EDA: variants seen among roughly 807,000 people sequenced by gnomAD.
The protein encoded by EDA is ectodysplasin-A.
A neutral mutation model predicts 23.6 loss-of-function variants in EDA; 2 were observed. That is an observed-to-expected ratio of 0.08 (90% CI 0.03 to 0.27). EDA has a LOEUF of 0.27. Among genes scored for constraint, EDA ranks in the 10% least tolerant of loss-of-function variants. The pLI, the probability that EDA is intolerant of heterozygous loss-of-function variation, is 1.00. For missense variants in EDA, 229 were observed against 324.2 expected (o/e 0.71, Z 2.26); for synonymous variants, 131 against 132.0 (o/e 0.99, Z 0.05).
intron 1 of EDA, among the ~76,000 whole-genome samples, chrX:69,767,385 A>G (rs2147421824): frequency 9.1e-6 from 1 of 109,323 alleles, no homozygotes; most frequent in East Asian, 2.9e-4. Context: ...ACCTCCTCCT[A>G]TCCTAGGCAA....
intron 2 of EDA, among the ~76,000 whole-genome samples, chrX:69,978,318 T>TA (rs144187734): frequency 0.2 from 4,111 of 20,123 alleles, 1,359 homozygotes; most frequent in Non-Finnish European, 0.44. Context: ...ACTCCATCTC[T>TA]AAAAAAAAAA....
intron 1 of EDA, among the ~76,000 whole-genome samples, chrX:69,877,286 C>T (rs1297353157): frequency 5.4e-5 from 6 of 111,852 alleles, no homozygotes; most frequent in Non-Finnish European, 1.1e-4. Context: ...CCAGCCTAGG[C>T]GACAGAGACC....
intron 2 of EDA, among the ~76,000 whole-genome samples, chrX:69,969,449 G>A (rs183720975): frequency 3.6e-5 from 4 of 111,803 alleles, no homozygotes; most frequent in African/African-American, 1.3e-4. Flanking sequence ...AAAAATAAAT[G>A]TGTTGAAATG....
At chrX:69,817,009 G>A (rs5936759) in intron 1 of EDA, among the ~76,000 whole-genome samples, 25,657 of 110,508 alleles carry the variant, frequency 0.23, 2,306 homozygotes, top group African/African-American at 0.31. Context: ...TACTAACAGC[G>A]GACCTCTCAG....
chrX:69,772,920 C>T (rs1426016429), intron 1 of EDA, among the ~76,000 whole-genome samples: 2 of 111,676 alleles, frequency 1.8e-5, no homozygotes, highest in Non-Finnish European at 1.9e-5. Flanking sequence ...CCACTTTAGA[C>T]TGTACCATTC....
chrX:69,714,088 C>T (rs1382721897), intron 1 of EDA, among the ~76,000 whole-genome samples: 1 of 111,119 alleles, frequency 9.0e-6, no homozygotes, highest in Non-Finnish European at 1.9e-5. Flanking sequence ...GGCACTGTCA[C>T]TATTTTTAAT....
chrX:69,840,724 T>C (rs960539810), intron 1 of EDA, among the ~76,000 whole-genome samples: 1 of 112,077 alleles, frequency 8.9e-6, no homozygotes, highest in Admixed American at 9.5e-5. Flanking sequence ...TTTCTCATAG[T>C]TTTGGAGGCT....
chrX:69,870,740 T>C (rs755537091), intron 1 of EDA, among the ~76,000 whole-genome samples: 2 of 111,670 alleles, frequency 1.8e-5, no homozygotes, highest in Non-Finnish European at 3.8e-5. Flanking sequence ...TTCCAATCAA[T>C]GCCCTCATTT....
At chrX:69,840,385 G>A (rs2016868713) in intron 1 of EDA, among the ~76,000 whole-genome samples, 6 of 111,413 alleles carry the variant, frequency 5.4e-5, no homozygotes, top group Admixed American at 3.8e-4. Context: ...GTGAAAGCAA[G>A]GTTCTTGCTT....
intron 2 of EDA, among the ~76,000 whole-genome samples, chrX:69,996,733 C>T (rs1488929173): frequency 8.9e-6 from 1 of 111,953 alleles, no homozygotes; most frequent in African/African-American, 3.3e-5. Context: ...ACCCAAATCT[C>T]ATCTTGAATT....
chrX:69,893,776 G>A (rs1274791233), intron 1 of EDA, among the ~76,000 whole-genome samples: 2 of 112,188 alleles, frequency 1.8e-5, no homozygotes, highest in Non-Finnish European at 3.8e-5. Context: ...ATTTAAAGCT[G>A]TCTGAAGAAA....
At chrX:69,948,185 A>G (rs181242958) in intron 1 of EDA, among the ~76,000 whole-genome samples, 133 of 112,625 alleles carry the variant, frequency 1.2e-3, no homozygotes, top group Admixed American at 5.7e-3. Context: ...ACTGGTCTGT[A>G]GTACAATTTC....
At chrX:70,022,233 G>A (rs1444906296) in intron 2 of EDA, among the ~76,000 whole-genome samples, 3 of 111,464 alleles carry the variant, frequency 2.7e-5, no homozygotes. Context: ...ACCTTCAATT[G>A]ATTAGAATTA....
intron 1 of EDA, among the ~76,000 whole-genome samples, chrX:69,720,791 C>T (rs751523188): frequency 5.3e-5 from 6 of 112,500 alleles, no homozygotes; most frequent in African/African-American, 1.9e-4. Context: ...ATTGCAGAAA[C>T]ATTGTTATAA....
At chrX:69,735,125 T>C (rs997517099) in intron 1 of EDA, among the ~76,000 whole-genome samples, 1 of 111,778 alleles carries the variant, frequency 8.9e-6, no homozygotes, top group African/African-American at 3.2e-5. Flanking sequence ...ACAACCCAAG[T>C]GTTCATTGAC....
intron 1 of EDA, among the ~76,000 whole-genome samples, chrX:69,839,737 T>G (rs750280436): frequency 8.9e-6 from 1 of 111,829 alleles, no homozygotes; most frequent in Non-Finnish European, 1.9e-5. Flanking sequence ...AAGCCAACTC[T>G]GGCATCGAAA....
At chrX:69,775,275 T>C (rs2014746570) in intron 1 of EDA, among the ~76,000 whole-genome samples, 1 of 111,516 alleles carries the variant, frequency 9.0e-6, no homozygotes, top group Non-Finnish European at 1.9e-5. Context: ...CATCACTTTT[T>C]GTAACTAAAG....
chrX:69,838,738 C>T (rs1415914117), intron 1 of EDA, among the ~76,000 whole-genome samples: 1 of 112,722 alleles, frequency 8.9e-6, no homozygotes, highest in African/African-American at 3.2e-5. Context: ...TCCTTATAAA[C>T]CACCACTTTC....
chrX:69,928,698 G>A (rs1229960018), intron 1 of EDA, among the ~76,000 whole-genome samples: 2 of 112,137 alleles, frequency 1.8e-5, no homozygotes, highest in Non-Finnish European at 3.8e-5. Context: ...GATAAAGTCT[G>A]TTTGGCTGGT....
Sources: allele counts gnomAD v4.1 joint callset (sites outside exome capture counted in the v4.1 genomes callset), GRCh38; gene constraint gnomAD v4.1.1; transcripts MANE v1.5; gene names NCBI Gene and HGNC (gene_info 2026-07-23, HGNC 2026-07-21).